The following TBC1D21 variants were observed in gnomAD, a reference collection of about 807,000 sequenced individuals.
The protein encoded by TBC1D21 is male germ cell Rab GTPase-activating protein.
A neutral mutation model predicts 46.0 loss-of-function variants in TBC1D21; 38 were observed. The ratio of observed to expected loss-of-function variants is 0.83; its 90% confidence interval spans 0.64 to 1.08. TBC1D21 has a LOEUF of 1.08. Ranked by LOEUF, TBC1D21 falls within the 50% of genes least tolerant of loss-of-function variation. The pLI, the probability that TBC1D21 is intolerant of heterozygous loss-of-function variation, is 0.00. For missense variants in TBC1D21, 415 were observed against 417.9 expected (o/e 0.99, Z 0.06); for synonymous variants, 151 against 157.2 (o/e 0.96, Z 0.29).
the TBC1D21 span, among the ~76,000 whole-genome samples, chr15:73,904,043 G>A: frequency 2.0e-5 from 3 of 150,212 alleles, no homozygotes; most frequent in South Asian, 2.1e-4. Flanking sequence ...GCGAGACTCC[G>A]TCTCAAAAAA....
rs750004398 is a variant in TBC1D21, at chr15:73,884,834, G to A, written c.421G>A (p.Asp141Asn). 1.5e-5 allele frequency: 25 copies of A among 1,613,974 alleles called. No individual in the cohort carries two copies. In the East Asian group the frequency reaches 2.7e-4, roughly 17 times the overall value. ...DKDPLGNVLI[D>N]KKRLEKILLL... ...AGATCCCCTGGGCAACGTCCTCATC[G>A]ACAAGAAGAGGCTAGAGAAGATCCT... Residue 141 changes from aspartate (D) to asparagine (N), a missense_variant, in exon 5 of 11, where the codon GAC becomes AAC. Transcript: ENST00000300504.
intron 1 of TBC1D21, among the ~76,000 whole-genome samples, chr15:73,874,872 C>A (rs1201055544): frequency 6.6e-6 from 1 of 152,208 alleles, no homozygotes; most frequent in East Asian, 1.9e-4. Flanking sequence ...ACCCTCCACA[C>A]CTGGGTTGGT....
At chr15:73,883,356 C>T (rs2068187528) in intron 3 of TBC1D21, among the ~76,000 whole-genome samples, 1 of 152,224 alleles carries the variant, frequency 6.6e-6, no homozygotes, top group Non-Finnish European at 1.5e-5. Flanking sequence ...ACAACAGAAA[C>T]CTGTCTTCTC....
chr15:73,876,313 C>T lies in TBC1D21; in HGVS notation c.60+2544C>T, dbSNP rs1245234005. Among the ~76,000 whole-genome samples, 4 of 143,288 alleles carry T rather than the reference C, an allele frequency of 2.8e-5. No individual in the cohort carries two copies. In the East Asian group the frequency reaches 8.1e-4, roughly 29 times the overall value. 94.0% of individuals were successfully genotyped at this position (143,288 alleles called of 152,430 possible). The stretch of plus-strand genomic sequence containing the variant: ...TGCGATCTCAGCTCACTGCAAGCTC[C>T]GCCTCCTGGGTTCACGTCATTCTCC... On this transcript the variant is annotated intron_variant, in intron 1 of 10. Transcript: ENST00000300504.
At chr15:73,894,929 G>A in the TBC1D21 span, among the ~76,000 whole-genome samples, 1 of 152,200 alleles carries the variant, frequency 6.6e-6, no homozygotes, top group Non-Finnish European at 1.5e-5. Context: ...CCAGACCCTG[G>A]TGCTCGCTGA....
intron 4 of TBC1D21, 85 bp downstream of exon 4, chr15:73,884,330 A>T: frequency 7.9e-7 from 1 of 1,263,942 alleles, no homozygotes; most frequent in Non-Finnish European, 1.2e-6. Context: ...CCAGGGAGGG[A>T]TGGCTCCAGG....
At chr15:73,909,525 T>C in the TBC1D21 span, among the ~76,000 whole-genome samples, 1 of 152,218 alleles carries the variant, frequency 6.6e-6, no homozygotes, top group Admixed American at 6.5e-5. Context: ...GCAGCTGGCA[T>C]GACTCCTGGG....
chr15:73,892,733 C>T (rs955717030), downstream of TBC1D21, among the ~76,000 whole-genome samples: 3 of 152,230 alleles, frequency 2.0e-5, no homozygotes, highest in Non-Finnish European at 4.4e-5. Context: ...TAGTGCGAGC[C>T]GAATGCCTGC....
chr15:73,898,880 A>AAATATATAT, the TBC1D21 span, among the ~76,000 whole-genome samples: 2 of 56,780 alleles, frequency 3.5e-5, no homozygotes, highest in African/African-American at 1.1e-4. Context: ...AAAAAAAAAA[A>AAATATATAT]ATATATATAT....
At chr15:73,882,926 T>A (rs1380975858) in intron 3 of TBC1D21, among the ~76,000 whole-genome samples, 1 of 152,202 alleles carries the variant, frequency 6.6e-6, no homozygotes, top group Non-Finnish European at 1.5e-5. Flanking sequence ...CCCTCCCAGG[T>A]TGAATGCAAA....
intron 10 of TBC1D21, 92 bp downstream of exon 10, chr15:73,888,605 CTT>C (rs2068300013): frequency 4.8e-6 from 4 of 828,254 alleles, no homozygotes; most frequent in African/African-American, 1.9e-5. Context: ...TCCTCCTCCT[CTT>C]CTTCCTCCTC....
At chr15:73,884,703 G>A in intron 4 of TBC1D21, 78 bp from the exon 5 acceptor site, 2 of 1,010,644 alleles carry the variant, frequency 2.0e-6, no homozygotes, top group South Asian at 2.9e-5. Context: ...CTGCCCATTG[G>A]GGTAGGGGAA....
At position 73,884,769 on chromosome 15, in the gene TBC1D21, C is replaced by T. The variant is rs745547677; in HGVS notation, c.368-12C>T. The stretch of plus-strand genomic sequence containing the variant: ...TCTGGTGCCACCTACTTGCCCCTTG[C>T]TTCCAACCTAGCACGTGACATTCAG... On this transcript the variant is annotated splice_polypyrimidine_tract_variant and intron_variant, in intron 4 of 10. Transcript: ENST00000300504. 5 of 1,609,204 alleles carry T rather than the reference C, an allele frequency of 3.1e-6. No homozygotes were observed. The East Asian group carries it at 1.1e-4, about 36-fold the overall frequency.
chr15:73,888,361 A>C (rs59778825), intron 9 of TBC1D21, 69 bp from the exon 10 acceptor site: 57,706 of 1,345,320 alleles, frequency 0.043, 4,052 homozygotes, highest in African/African-American at 0.22. Context: ...AGGCAGCTGC[A>C]TGTGCCCAAG....
intron 8 of TBC1D21, among the ~76,000 whole-genome samples, chr15:73,886,856 G>A (rs2068256626): frequency 6.6e-6 from 1 of 152,208 alleles, no homozygotes; most frequent in African/African-American, 2.4e-5. Context: ...GACACAGGAG[G>A]GCCCTATGGC....
At chr15:73,901,523 G>A in the TBC1D21 span, among the ~76,000 whole-genome samples, 4 of 152,238 alleles carry the variant, frequency 2.6e-5, no homozygotes, top group African/African-American at 9.6e-5. Flanking sequence ...CACAAACTTG[G>A]TGGCTTAACG....
the TBC1D21 span, among the ~76,000 whole-genome samples, chr15:73,907,087 T>G: frequency 1.3e-5 from 2 of 151,946 alleles, no homozygotes. Context: ...TTCTCTCTCA[T>G]TTCCTCCTCC....
chr15:73,891,498 G>T (rs570968965), downstream of TBC1D21, among the ~76,000 whole-genome samples: 3 of 152,124 alleles, frequency 2.0e-5, no homozygotes, highest in Admixed American at 1.3e-4. Flanking sequence ...CAGGAGCCCC[G>T]CCCCCTTCCA....
the TBC1D21 span, among the ~76,000 whole-genome samples, chr15:73,894,350 T>C: frequency 0.019 from 2,884 of 152,340 alleles, 91 homozygotes; most frequent in African/African-American, 0.066. Flanking sequence ...TGGGCCGAGA[T>C]GGTCCAGGGC....
Sources: gnomAD v4.1 joint callset for allele counts (sites outside exome capture counted in the v4.1 genomes callset) on GRCh38, gnomAD v4.1.1 for gene constraint, MANE v1.5 for transcripts, NCBI Gene and HGNC (gene_info 2026-07-23, HGNC 2026-07-21) for gene names.